Variants in BRDT observed in about 807,000 individuals in gnomAD.
The protein encoded by BRDT is bromodomain testis-specific protein.
BRDT carries 77 observed loss-of-function variants against 113.9 expected under a neutral mutation model. The observed-to-expected ratio is 0.68, with a 90% CI of 0.56 to 0.82. The LOEUF (loss-of-function observed/expected upper bound fraction) is 0.82, where lower values mean the gene tolerates loss of function less well. BRDT is among the 40% of genes least tolerant of loss of function. BRDT has a pLI of 0.00. For missense variants in BRDT, 1,027 were observed against 1,105.4 expected (o/e 0.93, Z 1.01); for synonymous variants, 358 against 366.5 (o/e 0.98, Z 0.26).
At chr1:91,996,683 C>T (rs1277581653) in intron 15 of BRDT, among the ~76,000 whole-genome samples, 1 of 152,186 alleles carries the variant, frequency 6.6e-6, no homozygotes, top group Admixed American at 6.5e-5. Context: ...CCAAAACTAA[C>T]ACAGCAACTG....
At chr1:91,973,262 C>G (rs190888121) in intron 4 of BRDT, among the ~76,000 whole-genome samples, 1 of 152,006 alleles carries the variant, frequency 6.6e-6, no homozygotes. Context: ...CTTGGCAATG[C>G]GGGCTCTTTT....
intron 3 of BRDT, 129 bp from the exon 4 acceptor site, chr1:91,968,017 A>G: frequency 1.2e-6 from 1 of 849,182 alleles, no homozygotes; most frequent in East Asian, 2.8e-5. Flanking sequence ...ACTATTTTCT[A>G]AATTTATAAG....
Position 91,980,803 on chromosome 1 carries a change from A to C in BRDT, c.1448A>C (p.Lys483Thr). The C allele has an allele frequency of 6.3e-7, 1 of 1,591,978 alleles. No individual in the cohort carries two copies. Among genetic ancestry groups the C allele is most frequent in the Non-Finnish European group, 8.5e-7 (1 of 1,174,758 alleles). ...TGTGAGCAAATGAGGCTAAAGGAAA[A>C]GTCCAAGAGAAAGTAAGTATCTTTT... ...KMCEQMRLKE[K>T]SKRNQPKKRK... Residue 483 changes from lysine to threonine, a missense_variant, in exon 9 of 19, where the codon AAG becomes ACG. Transcript: ENST00000399546.
At chr1:92,010,749 T>C (rs1326131117) in intron 18 of BRDT, among the ~76,000 whole-genome samples, 1 of 152,068 alleles carries the variant, frequency 6.6e-6, no homozygotes, top group Non-Finnish European at 1.5e-5. Context: ...AAAATGTGTG[T>C]GGTTTTTTTT....
chr1:91,998,203 G>GC (rs1270876613), intron 15 of BRDT, among the ~76,000 whole-genome samples: 8 of 152,048 alleles, frequency 5.3e-5, no homozygotes, highest in Admixed American at 1.3e-4. Context: ...CATGTCCTTT[G>GC]CAGGGACATG....
chr1:91,978,219 G>C lies in BRDT; in HGVS notation c.1021G>C (p.Val341Leu). The C allele has an allele frequency of 1.2e-6, 2 of 1,614,036 alleles. No individual in the cohort carries two copies. The highest frequency in any genetic ancestry group is 1.7e-6 in the Non-Finnish European group (2 of 1,179,960). Residue 341 changes from valine to leucine, a missense_variant, in exon 7 of 19, where the codon GTT (valine) becomes CTT (leucine). By Grantham distance (32) the Val-to-Leu change is conservative (BLOSUM62 1). Transcript: ENST00000399546. ...GGATGCATACAAATTTGCGGCAGAT[G>C]TTAGATTAATGTTCATGAATTGCTA... ...YKDAYKFAAD[V>L]RLMFMNCYKY...
intron 15 of BRDT, among the ~76,000 whole-genome samples, chr1:91,996,325 C>T (rs1005655734): frequency 6.6e-6 from 1 of 152,088 alleles, no homozygotes; most frequent in Non-Finnish European, 1.5e-5. Flanking sequence ...CTCTGCTCAC[C>T]GCAACCTCTG....
intron 4 of BRDT, among the ~76,000 whole-genome samples, chr1:91,972,469 A>T (rs1337494623): frequency 6.6e-6 from 1 of 152,174 alleles, no homozygotes; most frequent in African/African-American, 2.4e-5. Flanking sequence ...TGTTTCTTAC[A>T]CTAGACAGTA....
At chr1:92,012,912 GA>G (rs35560801) in intron 18 of BRDT, among the ~76,000 whole-genome samples, 1,313 of 130,018 alleles carry the variant, frequency 0.01, 18 homozygotes, top group African/African-American at 0.035. Flanking sequence ...TCTGTCACAA[GA>G]AAAAAAAAAA....
chr1:91,983,241 A>G (rs1684876355), intron 12 of BRDT, among the ~76,000 whole-genome samples: 1 of 151,284 alleles, frequency 6.6e-6, no homozygotes, highest in Non-Finnish European at 1.5e-5. Flanking sequence ...CTATCAGAAT[A>G]ACTCAGTCTC....
chr1:91,987,828 C>G (rs1685396904), intron 12 of BRDT, among the ~76,000 whole-genome samples: 1 of 151,780 alleles, frequency 6.6e-6, no homozygotes, highest in Non-Finnish European at 1.5e-5. Flanking sequence ...GATTGCAGAT[C>G]TTTTTTTAGT....
intron 2 of BRDT, among the ~76,000 whole-genome samples, chr1:91,964,369 G>T (rs1228276295): frequency 6.6e-6 from 1 of 152,022 alleles, no homozygotes; most frequent in Non-Finnish European, 1.5e-5. Context: ...CCAATTTTCT[G>T]TATTTTTATT....
chr1:92,013,108 C>T (rs973708958), intron 18 of BRDT, among the ~76,000 whole-genome samples: 1 of 149,998 alleles, frequency 6.7e-6, no homozygotes, highest in Admixed American at 6.7e-5. Context: ...ATCCCAGCTC[C>T]TTGGGAGGCT....
chr1:91,976,188 G>T (rs879792103), intron 4 of BRDT, 78 bp from the exon 5 acceptor site: 426 of 1,373,544 alleles, frequency 3.1e-4, no homozygotes, highest in Non-Finnish European at 3.9e-4. Flanking sequence ...TGAACTAAAT[G>T]AAATAGAAAA....
rs59044630 is a variant in BRDT at position 92,009,545 on chromosome 1, C to CTTTTTTTTTTT, written c.2775+4255_2775+4265dup. On this transcript the variant is annotated intron_variant, in intron 18 of 18. Coordinates refer to ENST00000399546, the MANE Select transcript of BRDT (RefSeq NM_207189.4). Reference sequence around the variant, plus strand: ...TGTTTGCAGGTTTTTCAACTTGCCACTTTTTTTTTTTTTTTTTTTCTCTTG... The same window carrying CTTTTTTTTTTT: ...TGTTTGCAGGTTTTTCAACTTGCCACTTTTTTTTTTTTTTTTTTTTTTTTTTTTTTCTCTTG... 1.6e-3 allele frequency among the ~76,000 whole-genome samples: 163 copies of CTTTTTTTTTTT among 103,288 alleles called. 1 individual carries two copies. Among genetic ancestry groups the CTTTTTTTTTTT allele is most frequent in the Middle Eastern group, 7.8e-3 (1 of 128 alleles). The allele number at this position is 103,288 out of a possible 152,430, so 67.8% of individuals were successfully genotyped here. A position where few individuals can be genotyped will look rare whatever the true frequency, so the allele number is the denominator to read the frequency against.
chr1:91,964,705 G>A lies in BRDT; in HGVS notation c.271G>A (p.Ala91Thr), dbSNP rs1424516698. The change falls in exon 3 of 19, where the codon GCT becomes ACT. Residue 91 changes from alanine to threonine, a missense_variant. Ala to Thr is a moderately conservative substitution (Grantham distance 58, BLOSUM62 0). Transcript: ENST00000399546. ...CTTGGAGAATAAATATTATGCGAAG[G>A]CTTCAGAATGTATAGAAGACTTCAA... is the stretch of plus-strand genomic sequence containing the variant. ...KRLENKYYAKASECIEDFNTM... is the reference protein window; with the variant it reads ...KRLENKYYAKTSECIEDFNTM... The A allele has an allele frequency of 3.9e-6, 6 of 1,525,916 alleles. No individual in the cohort carries two copies. The highest frequency in any genetic ancestry group is 5.4e-6 in the Non-Finnish European group (6 of 1,116,916). 94.5% of individuals were successfully genotyped at this position (1,525,916 alleles called of 1,614,324 possible). A position where few individuals can be genotyped will look rare whatever the true frequency, so the allele number is the denominator to read the frequency against.
At chr1:92,014,078 A>G in intron 18 of BRDT, 128 bp from the exon 19 acceptor site, 1 of 607,112 alleles carries the variant, frequency 1.6e-6, no homozygotes, top group Non-Finnish European at 2.8e-6. Context: ...GAAAATAAAA[A>G]TTAAAAAATT....
chr1:91,989,418 T>A (rs570323640), intron 12 of BRDT, among the ~76,000 whole-genome samples: 54 of 152,166 alleles, frequency 3.5e-4, no homozygotes, highest in Non-Finnish European at 6.6e-4. Context: ...TGGAGTGCAG[T>A]GGTGCAATCT....
intron 1 of BRDT, among the ~76,000 whole-genome samples, chr1:91,952,511 G>T (rs1681208102): frequency 6.6e-6 from 1 of 151,538 alleles, no homozygotes; most frequent in African/African-American, 2.4e-5. Flanking sequence ...AGGTATGGAA[G>T]AAAAGATTGA....
Sources: gnomAD v4.1 joint callset for allele counts (sites outside exome capture counted in the v4.1 genomes callset) on GRCh38, gnomAD v4.1.1 for gene constraint, MANE v1.5 for transcripts, NCBI Gene and HGNC (gene_info 2026-07-23, HGNC 2026-07-21) for gene names.